ITGB1: variants seen among roughly 807,000 people sequenced by gnomAD.
The protein encoded by ITGB1 is integrin beta-1.
ITGB1 carries 24 observed loss-of-function variants against 86.5 expected under a neutral mutation model. That is an observed-to-expected ratio of 0.28 (90% CI 0.20 to 0.39). The LOEUF (loss-of-function observed/expected upper bound fraction) is 0.39. Ranked by LOEUF, ITGB1 falls within the 10% of genes least tolerant of loss-of-function variation. The pLI is 1.00. For synonymous variants in ITGB1, 323 were observed against 316.8 expected, an observed-to-expected ratio of 1.02 and a Z score of -0.21; for missense variants, 556 against 946.9, an observed-to-expected ratio of 0.59 and a Z score of 5.42.
At chr10:32,906,135 C>A (rs1272940550) in intron 15 of ITGB1, among the ~76,000 whole-genome samples, 1 of 151,948 alleles carries the variant, frequency 6.6e-6, no homozygotes, top group African/African-American at 2.4e-5. Flanking sequence ...AAGTTATATT[C>A]AAGAAATTGA....
chr10:32,927,943 G>A, intron 5 of ITGB1, 151 bp downstream of exon 5: 1 of 531,100 alleles, frequency 1.9e-6, no homozygotes, highest in Non-Finnish European at 3.3e-6. Context: ...ACGTGTGACT[G>A]GAATATCAAC....
At chr10:32,931,623 G>T (rs1383395153) in intron 3 of ITGB1, among the ~76,000 whole-genome samples, 1 of 152,034 alleles carries the variant, frequency 6.6e-6, no homozygotes, top group African/African-American at 2.4e-5. Context: ...AACACCATTA[G>T]AAAATTTTTG....
intron 12 of ITGB1, 96 bp from the exon 13 acceptor site, chr10:32,911,766 C>T: frequency 6.9e-7 from 1 of 1,452,832 alleles, no homozygotes; most frequent in East Asian, 2.3e-5. Flanking sequence ...AGAAAGTATA[C>T]CTAGGGGCGA....
chr10:32,923,826 T>C (rs1305624419), intron 6 of ITGB1, 86 bp from the exon 7 acceptor site: 3 of 1,092,050 alleles, frequency 2.7e-6, no homozygotes, highest in East Asian at 2.6e-5. Flanking sequence ...GCCACCATTG[T>C]ATTTTTAACC....
At chr10:32,906,951 A>G (rs2094898225) in intron 15 of ITGB1, 1 of 507,308 alleles carries the variant, frequency 2.0e-6, no homozygotes, top group East Asian at 6.2e-5. Context: ...CACAATAGCG[A>G]TATTTAAAGC....
chr10:32,917,298 T>G (rs145754542), intron 11 of ITGB1, among the ~76,000 whole-genome samples: 9,705 of 152,214 alleles, frequency 0.064, 515 homozygotes, highest in South Asian at 0.25. Context: ...ACTTCATGAC[T>G]AAAACACCAA....
chr10:32,929,122 C>G (rs2094974863), intron 4 of ITGB1, among the ~76,000 whole-genome samples: 2 of 151,926 alleles, frequency 1.3e-5, no homozygotes, highest in Admixed American at 1.3e-4. Context: ...GTAAGAGACA[C>G]AAAGAAAAAC....
At chr10:32,946,748 C>CGGG (rs1565833613) in intron 1 of ITGB1, among the ~76,000 whole-genome samples, 2 of 4,014 alleles carry the variant, frequency 5.0e-4, no homozygotes, top group African/African-American at 3.4e-3. Context: ...GTATGTATTT[C>CGGG]TGGGGGGGGG....
At chr10:32,901,728 T>A in intron 15 of ITGB1, 93 bp from the exon 16 acceptor site, 1 of 761,212 alleles carries the variant, frequency 1.3e-6, no homozygotes, top group Non-Finnish European at 2.2e-6. Flanking sequence ...GTTGCAATCA[T>A]CTTAAGAAGT....
At chr10:32,946,789 T>G (rs1371424687) in intron 1 of ITGB1, among the ~76,000 whole-genome samples, 1 of 148,504 alleles carries the variant, frequency 6.7e-6, no homozygotes, top group Non-Finnish European at 1.5e-5. Context: ...CTGCAGGTAT[T>G]TCAAAAATTC....
intron 3 of ITGB1, 70 bp from the exon 4 acceptor site, chr10:32,930,114 A>T: frequency 1.3e-6 from 1 of 748,828 alleles, no homozygotes; most frequent in Non-Finnish European, 2.3e-6. Context: ...TAATAATTGC[A>T]AATAAGCAAT....
At chr10:32,905,491 C>A (rs1016192860) in intron 15 of ITGB1, among the ~76,000 whole-genome samples, 1 of 152,186 alleles carries the variant, frequency 6.6e-6, no homozygotes, top group African/African-American at 2.4e-5. Context: ...GGCTGTAAAT[C>A]TCTATAAAGA....
chr10:32,907,284 C>A (rs973447582), intron 15 of ITGB1: 1 of 297,740 alleles, frequency 3.4e-6, no homozygotes, highest in South Asian at 3.1e-5. Context: ...TTTTAAAAAC[C>A]CAAGCAAATT....
At chr10:32,952,088 A>C (rs1005530599) in intron 1 of ITGB1, among the ~76,000 whole-genome samples, 28 of 152,198 alleles carry the variant, frequency 1.8e-4, no homozygotes, top group Non-Finnish European at 1.0e-4. Flanking sequence ...TAAATGTTTT[A>C]AAACCATGAT....
At chr10:32,951,915 A>G (rs1196659691) in intron 1 of ITGB1, among the ~76,000 whole-genome samples, 4 of 152,220 alleles carry the variant, frequency 2.6e-5, no homozygotes, top group Admixed American at 2.0e-4. Flanking sequence ...CGTAATTTCA[A>G]TTAAGGAGAA....
At chr10:32,943,248 T>C (rs2095023241) in intron 1 of ITGB1, among the ~76,000 whole-genome samples, 1 of 152,152 alleles carries the variant, frequency 6.6e-6, no homozygotes, top group Admixed American at 6.5e-5. Flanking sequence ...TCTTAAACAT[T>C]ATGAAACCAA....
chr10:32,919,120 T>C (rs1312476079), intron 11 of ITGB1, among the ~76,000 whole-genome samples: 1 of 152,220 alleles, frequency 6.6e-6, no homozygotes, highest in African/African-American at 2.4e-5. Flanking sequence ...AACATTTAAA[T>C]TGTTACTTAG....
At chr10:32,953,100 T>C (rs909038027) in intron 1 of ITGB1, among the ~76,000 whole-genome samples, 1 of 152,206 alleles carries the variant, frequency 6.6e-6, no homozygotes, top group African/African-American at 2.4e-5. Flanking sequence ...CATGCTGTCC[T>C]TGAATGTGAC....
Position 32,911,994 on chromosome 10 carries a change from C to T in ITGB1, c.1600G>A (p.Gly534Arg), listed in dbSNP as rs761744138. The change falls in exon 12 of 16, where the codon GGA (glycine) becomes AGA (arginine). Residue 534 changes from glycine to arginine, a missense_variant. Gly to Arg is a moderately radical substitution (Grantham distance 125, BLOSUM62 -2). This residue lies in a region of ITGB1 where 330 missense variants were observed against 531.5 expected (regional missense o/e 0.62). Transcript: ENST00000302278. Reference sequence around the variant, plus strand: ...TCCCTCTTCCTACAAACACACTGTCCGCAGACGCACTCTCCATTGTTACTG... The same window carrying T: ...TCCCTCTTCCTACAAACACACTGTCTGCAGACGCACTCTCCATTGTTACTG... ...ICSNNGECVC[G>R]QCVCRKRDNT... The T allele has an allele frequency of 3.1e-6, 5 of 1,613,980 alleles. No individual in the cohort carries two copies. The highest frequency in any genetic ancestry group is 1.3e-5 in the African/African-American group (1 of 74,900).
Sources: gnomAD v4.1 joint callset for allele counts (sites outside exome capture counted in the v4.1 genomes callset) on GRCh38, gnomAD v4.1.1 for gene constraint, gnomAD v4.1.1 regional missense constraint, MANE v1.5 for transcripts, NCBI Gene and HGNC (gene_info 2026-07-23, HGNC 2026-07-21) for gene names.